The following KLHL12 variants were observed in gnomAD, a reference collection of about 807,000 sequenced individuals.
KLHL12 encodes kelch like family member 12.
KLHL12 carries 17 observed loss-of-function variants against 60.8 expected under a neutral mutation model. The observed-to-expected ratio is 0.28, with a 90% CI of 0.19 to 0.42. KLHL12 has a LOEUF of 0.42. Among genes scored for constraint, KLHL12 ranks in the 10% least tolerant of loss-of-function variants. The pLI is 1.00. For missense variants in KLHL12, 468 were observed against 722.3 expected, an observed-to-expected ratio of 0.65 and a Z score of 4.04; for synonymous variants, 220 against 250.9, an observed-to-expected ratio of 0.88 and a Z score of 1.16.
rs1256073857 is a variant in KLHL12 at position 202,918,422 on chromosome 1, T to C, written c.350-34A>G. The C allele has an allele frequency of 2.2e-5, 33 of 1,507,742 alleles. No homozygotes were observed. In the Admixed American group the frequency reaches 3.8e-4, roughly 18 times the overall value. 93.4% of individuals were successfully genotyped at this position (1,507,742 alleles called of 1,614,324 possible). ...GACACAGGCAGCAAACACTTTAGAA[T>C]AGTTGGACAGGTGTGATCTAGGATA... is the stretch of plus-strand genomic sequence containing the variant. On this transcript the variant is annotated intron_variant, in intron 3 of 11. Transcript: ENST00000367261.
At chr1:202,917,767 G>A (rs1427491942) in intron 4 of KLHL12, among the ~76,000 whole-genome samples, 1 of 152,092 alleles carries the variant, frequency 6.6e-6, no homozygotes, top group African/African-American at 2.4e-5. Flanking sequence ...AGCAGGTTGT[G>A]AATTTTCTGA....
intron 3 of KLHL12, among the ~76,000 whole-genome samples, chr1:202,918,921 T>C (rs1432917997): frequency 2.0e-5 from 3 of 152,156 alleles, no homozygotes; most frequent in Non-Finnish European, 4.4e-5. Flanking sequence ...CAATTATGTA[T>C]ATATAAAAAC....
Position 202,911,144 on chromosome 1 carries a change from T to C in KLHL12, c.627A>G (p.Lys209=), listed in dbSNP as rs902710486. Residue 209 remains lysine (K), a synonymous_variant, in exon 5 of 12, where the codon AAA becomes AAG. Coordinates refer to ENST00000367261, the MANE Select transcript of KLHL12 (RefSeq NM_021633.4). ...AVINWVKHAK[K]EREESLPNLL... is the part of the protein sequence containing the mutation. ...GGTTAGGCAAGGATTCTTCCCGCTCTTTCTTGGCATGCTTCACCCAGTTGA... is the reference window on the plus strand; with the variant it reads ...GGTTAGGCAAGGATTCTTCCCGCTCCTTCTTGGCATGCTTCACCCAGTTGA... The C allele has an allele frequency of 6.2e-6, 10 of 1,614,064 alleles. No homozygotes were observed. The highest frequency in any genetic ancestry group is 5.3e-5 in the African/African-American group (4 of 74,932).
At chr1:202,901,064 A>C (rs531872714) in intron 6 of KLHL12, among the ~76,000 whole-genome samples, 1 of 151,722 alleles carries the variant, frequency 6.6e-6, no homozygotes, top group East Asian at 1.9e-4. Flanking sequence ...TAAAGAAAAA[A>C]CCCCTCTCTT....
At chr1:202,923,656 C>T (rs1653339894) in intron 2 of KLHL12, among the ~76,000 whole-genome samples, 2 of 152,152 alleles carry the variant, frequency 1.3e-5, no homozygotes, top group Non-Finnish European at 2.9e-5. Context: ...AGCCATGGGA[C>T]TTTGGGCAAG....
Position 202,895,438 on chromosome 1 carries a change from G to T in KLHL12, c.1135+84C>A. On this transcript the variant is annotated intron_variant, in intron 8 of 11. Coordinates refer to ENST00000367261, the MANE Select transcript of KLHL12 (RefSeq NM_021633.4). The surrounding 1 kb of genome is among the most constrained non-coding windows in gnomAD (Gnocchi z 4.2). ...CCTTAATTTTTTCTCCGTATTTCAT[G>T]CTCCTGCCAGACAACAGGAGAGGTT... 8.7e-7 allele frequency: 1 copy of T among 1,153,140 alleles called. No homozygotes were observed. Among genetic ancestry groups the T allele is most frequent in the Non-Finnish European group, 1.2e-6 (1 of 801,074 alleles). 71.4% of individuals were successfully genotyped at this position (1,153,140 alleles called of 1,614,324 possible).
At chr1:202,924,277 C>T (rs1046360917) in intron 2 of KLHL12, among the ~76,000 whole-genome samples, 8 of 152,212 alleles carry the variant, frequency 5.3e-5, no homozygotes, top group Admixed American at 1.3e-4. Context: ...TCAGGTTATA[C>T]ACTCAACGCC....
chr1:202,905,419 T>A (rs898031481), intron 6 of KLHL12, among the ~76,000 whole-genome samples: 1 of 152,230 alleles, frequency 6.6e-6, no homozygotes, highest in Non-Finnish European at 1.5e-5. Context: ...TCTGTTGATA[T>A]AAAGAACTGG....
At chr1:202,925,922 T>A (rs543428980) in intron 1 of KLHL12, among the ~76,000 whole-genome samples, 1 of 152,030 alleles carries the variant, frequency 6.6e-6, no homozygotes, top group Admixed American at 6.6e-5. Flanking sequence ...CTGGCCAACA[T>A]GGTGAAACCT....
At chr1:202,927,751 G>T (rs1480354112), upstream of KLHL12, among the ~76,000 whole-genome samples, 2 of 150,638 alleles carry the variant, frequency 1.3e-5, no homozygotes, top group Non-Finnish European at 3.0e-5. Context: ...AGGCCGAGGC[G>T]GGTGTATTAC....
intron 6 of KLHL12, among the ~76,000 whole-genome samples, chr1:202,898,917 G>A (rs911533708): frequency 6.6e-6 from 1 of 150,828 alleles, no homozygotes; most frequent in Non-Finnish European, 1.5e-5. Context: ...TTTAAACAGT[G>A]ATAATGGCAT....
intron 4 of KLHL12, among the ~76,000 whole-genome samples, chr1:202,913,894 C>A (rs1172280337): frequency 6.6e-6 from 1 of 152,238 alleles, no homozygotes. Context: ...GCATTAGCCA[C>A]ATTTCAAGTG....
At chr1:202,926,719 T>C (rs1432758224) in intron 1 of KLHL12, among the ~76,000 whole-genome samples, 1 of 152,174 alleles carries the variant, frequency 6.6e-6, no homozygotes, top group Non-Finnish European at 1.5e-5. Context: ...CCTTCTGAAG[T>C]GACCTATTTT....
At chr1:202,926,948 C>A (rs1257025894) in intron 1 of KLHL12, 141 bp downstream of exon 1, 1 of 589,846 alleles carries the variant, frequency 1.7e-6, no homozygotes, top group Non-Finnish European at 2.1e-6. Flanking sequence ...GATGCCCCAC[C>A]CCACTGCCAG....
rs1215267685 is a variant in KLHL12 at position 202,909,482 on chromosome 1, G to C, written c.718-358C>G. On this transcript the variant is annotated intron_variant, in intron 5 of 11. Transcript: ENST00000367261. This position sits in a 1 kb window ranked among gnomAD's most constrained non-coding sequence, Gnocchi z 4.1. The stretch of plus-strand genomic sequence containing the variant: ...CATAATAACTAATAAGAATTTTAAG[G>C]GGAAAACCAAAAAGATTCTGTTATT... 6.6e-6 allele frequency among the ~76,000 whole-genome samples: 1 copy of C among 151,958 alleles called. No individual in the cohort carries two copies. The highest frequency in any genetic ancestry group is 1.5e-5 in the Non-Finnish European group (1 of 68,010).
At position 202,927,158 on chromosome 1, in the gene KLHL12, G is replaced by T; in HGVS notation, c.-115C>A. The T allele has an allele frequency of 2.0e-6, 2 of 985,372 alleles. No homozygotes were observed. The highest frequency in any genetic ancestry group is 2.4e-6 in the Non-Finnish European group (2 of 829,968). 61.0% of individuals were successfully genotyped at this position (985,372 alleles called of 1,614,324 possible). The stretch of plus-strand genomic sequence containing the variant: ...CTGTGGGGATGGAGTGCGGCGCGGG[G>T]CTAGCAGGCGGCTCGGGAGGAGCCG... On this transcript the variant is annotated 5_prime_UTR_variant, in exon 1 of 12. Transcript: ENST00000367261.
chr1:202,895,797 G>T lies in KLHL12; in HGVS notation c.940-80C>A. 5.0e-6 allele frequency: 5 copies of T among 1,004,314 alleles called. No homozygotes were observed. Among genetic ancestry groups the T allele is most frequent in the Non-Finnish European group, 7.6e-6 (5 of 655,946 alleles). The allele number at this position is 1,004,314 out of a possible 1,614,324, so 62.2% of individuals were successfully genotyped here. A position where few individuals can be genotyped will look rare whatever the true frequency, so the allele number is the denominator to read the frequency against. On this transcript the variant is annotated intron_variant, in intron 7 of 11. Transcript: ENST00000367261. This position sits in a 1 kb window ranked among gnomAD's most constrained non-coding sequence, Gnocchi z 4.2. ...CTTACCTTTTGCTATCTTCCCTGTT[G>T]TATCTGCACACCTCTCTGCTTCTTC...
At chr1:202,927,830 A>G (rs1347678243), upstream of KLHL12, among the ~76,000 whole-genome samples, 3 of 151,098 alleles carry the variant, frequency 2.0e-5, no homozygotes, top group Non-Finnish European at 4.4e-5. Flanking sequence ...AAATACAAAA[A>G]AATTAGCCGG....
upstream of KLHL12, chr1:202,928,483 T>A (rs1653731641): frequency 7.7e-7 from 1 of 1,301,808 alleles, no homozygotes; most frequent in Non-Finnish European, 1.0e-6. Context: ...TGTTTTACCT[T>A]CCAGGTACTG....
Sources: gnomAD v4.1 joint callset for allele counts (sites outside exome capture counted in the v4.1 genomes callset) on GRCh38, gnomAD v4.1.1 for gene constraint, Gnocchi (gnomAD v3.1) non-coding constraint, MANE v1.5 for transcripts, NCBI Gene and HGNC (gene_info 2026-07-23, HGNC 2026-07-21) for gene names.